Variants in NECTIN3 observed in about 807,000 individuals in gnomAD.
The protein encoded by NECTIN3 is nectin cell adhesion molecule 3.
Under a neutral mutation model 49.4 loss-of-function variants are expected in NECTIN3, and 8 were observed. That is an observed-to-expected ratio of 0.16 (90% CI 0.10 to 0.29). The LOEUF is 0.29. NECTIN3 is among the 10% of genes least tolerant of loss of function. The pLI is 1.00. For missense variants in NECTIN3, 581 were observed against 654.6 expected (o/e 0.89, Z 1.23); for synonymous variants, 277 against 241.1 (o/e 1.15, Z -1.38).
intron 7 of NECTIN3, among the ~76,000 whole-genome samples, chr3:111,179,890 CA>C (rs10715848): frequency 0.49 from 57,174 of 116,842 alleles, 16,058 homozygotes; most frequent in African/African-American, 0.83. Flanking sequence ...GACTCTGTCT[CA>C]AAAAAAAAAA....
intron 1 of NECTIN3, among the ~76,000 whole-genome samples, chr3:111,101,289 A>G (rs2032892279): frequency 6.6e-6 from 1 of 152,130 alleles, no homozygotes; most frequent in South Asian, 2.1e-4. Context: ...ATTGTTTGAG[A>G]ATAGATGATG....
intron 7 of NECTIN3, among the ~76,000 whole-genome samples, chr3:111,150,483 G>GTGT (rs1380342785): frequency 6.6e-6 from 1 of 151,904 alleles, no homozygotes; most frequent in Non-Finnish European, 1.5e-5. Context: ...ATTTGTGTAT[G>GTGT]TGTGTGTAAT....
rs748156086 is a variant in NECTIN3, at chr3:111,126,352, T to G, written c.1069+17T>G. 9 of 1,586,862 alleles carry G rather than the reference T, an allele frequency of 5.7e-6. No individual in the cohort carries two copies. The African/African-American group carries it at 9.5e-5, about 17-fold the overall frequency. On this transcript the variant is annotated intron_variant, in intron 5 of 5. Coordinates refer to ENST00000485303, the MANE Select transcript of NECTIN3 (RefSeq NM_015480.3). Reference sequence around the variant, plus strand: ...ACATTTCAGGTAAGTTACTATCTGCTTGCAAAATGAGTTATTTAAAATATT... The same window carrying G: ...ACATTTCAGGTAAGTTACTATCTGCGTGCAAAATGAGTTATTTAAAATATT...
At chr3:111,072,561 C>T (rs1279124263) in intron 1 of NECTIN3, 4 of 1,535,668 alleles carry the variant, frequency 2.6e-6, no homozygotes, top group Non-Finnish European at 2.6e-6. Flanking sequence ...CCCGGTGAAA[C>T]TTGAGCTGTG....
chr3:111,072,035 G>A lies in NECTIN3; in HGVS notation c.18G>A (p.Arg6=), dbSNP rs932156212. ...GGTGGGGGATGGCGCGGACCCTGCG[G>A]CCGTCCCCGCTGTGTCCTGGAGGCG... The part of the protein sequence containing the change: MARTL[R]PSPLCPGGGK... The change falls in exon 1 of 6, where the codon CGG becomes CGA. Residue 6 remains arginine, a synonymous_variant. Coordinates refer to ENST00000485303, the MANE Select transcript of NECTIN3 (RefSeq NM_015480.3). 35 of 1,535,090 alleles carry A rather than the reference G, an allele frequency of 2.3e-5. No individual in the cohort carries two copies. Among genetic ancestry groups the A allele is most frequent in the Admixed American group, 2.2e-4 (11 of 49,846 alleles).
At chr3:111,132,144 T>C (rs1376478622) in intron 5 of NECTIN3, among the ~76,000 whole-genome samples, 1 of 151,904 alleles carries the variant, frequency 6.6e-6, no homozygotes, top group African/African-American at 2.4e-5. Flanking sequence ...TTTCTTGGGG[T>C]TGAATTAGTT....
intron 7 of NECTIN3, among the ~76,000 whole-genome samples, chr3:111,174,968 G>A (rs2035500690): frequency 6.6e-6 from 1 of 152,080 alleles, no homozygotes; most frequent in South Asian, 2.1e-4. Flanking sequence ...GTGTGGACTT[G>A]AAGGATGAAT....
At chr3:111,161,361 T>G (rs1346916980) in intron 7 of NECTIN3, among the ~76,000 whole-genome samples, 1 of 152,120 alleles carries the variant, frequency 6.6e-6, no homozygotes, top group Non-Finnish European at 1.5e-5. Context: ...CTACAGAGAA[T>G]AGCCACCAGT....
chr3:111,101,007 G>A (rs2032874353), intron 1 of NECTIN3, among the ~76,000 whole-genome samples: 1 of 152,044 alleles, frequency 6.6e-6, no homozygotes, highest in Non-Finnish European at 1.5e-5. Flanking sequence ...AGGGAGTTGG[G>A]AAGATAACTG....
chr3:111,184,254 T>A (rs1039096967), intron 7 of NECTIN3, among the ~76,000 whole-genome samples: 1 of 152,232 alleles, frequency 6.6e-6, no homozygotes, highest in Non-Finnish European at 1.5e-5. Context: ...TTAAACATAT[T>A]TATAATAGCC....
chr3:111,080,946 A>G (rs1160418604), intron 1 of NECTIN3, among the ~76,000 whole-genome samples: 12 of 152,188 alleles, frequency 7.9e-5, no homozygotes, highest in Admixed American at 7.9e-4. Context: ...CTATGTCTTC[A>G]AGAGTTTAGA....
chr3:111,154,750 C>A lies in NECTIN3; in HGVS notation c.1221+7266C>A, dbSNP rs542868509. On this transcript the variant is annotated intron_variant, in intron 7 of 8. Coordinates refer to the NECTIN3 transcript ENST00000493615. ...TTTTCCTAGTTACTAATATGTAGAA[C>A]ATTTTTTCATTTGCTGGTTTGTCAT... 7.9e-5 allele frequency among the ~76,000 whole-genome samples: 12 copies of A among 152,140 alleles called. No individual in the cohort carries two copies. The Middle Eastern group carries it at 0.021, about 261-fold the overall frequency.
At chr3:111,109,590 T>A (rs949317545) in intron 1 of NECTIN3, among the ~76,000 whole-genome samples, 1 of 152,058 alleles carries the variant, frequency 6.6e-6, no homozygotes, top group East Asian at 1.9e-4. Context: ...TCATGCTCTT[T>A]CAGCATTTCT....
chr3:111,152,816 A>T (rs1355957459), intron 7 of NECTIN3, among the ~76,000 whole-genome samples: 2 of 151,968 alleles, frequency 1.3e-5, no homozygotes, highest in Non-Finnish European at 2.9e-5. Flanking sequence ...CTCTCCAGGT[A>T]TTCAGTTACA....
intron 1 of NECTIN3, chr3:111,193,600 T>G (rs1404429797): frequency 1.1e-5 from 6 of 541,014 alleles, no homozygotes; most frequent in Non-Finnish European, 1.9e-5. Flanking sequence ...TATAGCTTTG[T>G]GTGTTTCTGT....
At chr3:111,175,696 A>G in intron 7 of NECTIN3, among the ~76,000 whole-genome samples, 1 of 152,120 alleles carries the variant, frequency 6.6e-6, no homozygotes, top group Non-Finnish European at 1.5e-5. Context: ...AAACATGATG[A>G]CATTTCTCAC....
chr3:111,127,494 T>C (rs1269713990), intron 5 of NECTIN3, among the ~76,000 whole-genome samples: 1 of 147,924 alleles, frequency 6.8e-6, no homozygotes, highest in Non-Finnish European at 1.5e-5. Flanking sequence ...TGCATGAGTC[T>C]AGAAAGAAGC....
intron 1 of NECTIN3, chr3:111,075,154 G>A (rs1367479922): frequency 6.6e-6 from 1 of 152,020 alleles, no homozygotes; most frequent in African/African-American, 2.4e-5. Flanking sequence ...GTAACTTTGG[G>A]TTCGACCTAA....
In NECTIN3 at chr3:111,136,383, C is replaced by T. The variant is rs963205747; in HGVS notation, c.*2168C>T. 36 of 984,134 alleles carry T rather than the reference C, an allele frequency of 3.7e-5. No individual in the cohort carries two copies. Among genetic ancestry groups the T allele is most frequent in the Non-Finnish European group, 3.9e-5 (32 of 829,352 alleles). 61.0% of individuals were successfully genotyped at this position (984,134 alleles called of 1,614,324 possible). ...GTTTGTTTCTTTTGTGTTTGTTTGG[C>T]GGGAGAGGGTGACCTGGAAAGCCAC... On this transcript the variant is annotated 3_prime_UTR_variant, in exon 6 of 6. Transcript: ENST00000485303.
Sources: allele counts gnomAD v4.1 joint callset (sites outside exome capture counted in the v4.1 genomes callset), GRCh38; gene constraint gnomAD v4.1.1; transcripts MANE v1.5; gene names NCBI Gene and HGNC (gene_info 2026-07-23, HGNC 2026-07-21).